HPSE2: variants seen among roughly 807,000 people sequenced by gnomAD.
The protein encoded by HPSE2 is heparanase 2 (inactive), also known as inactive heparanase-2.
A neutral mutation model predicts 60.5 loss-of-function variants in HPSE2; 38 were observed. The observed-to-expected ratio is 0.63, with a 90% confidence interval of 0.48 to 0.82. HPSE2 has a LOEUF of 0.82. Among genes scored for constraint, HPSE2 ranks in the 40% least tolerant of loss-of-function variants. The pLI, the probability that HPSE2 is intolerant of heterozygous loss-of-function variation, is 0.00. For synonymous variants in HPSE2, 295 were observed against 293.2 expected (o/e 1.01, Z -0.06); for missense variants, 713 against 740.4 (o/e 0.96, Z 0.43).
chr10:98,884,765 G>A (rs1005552444), intron 3 of HPSE2, among the ~76,000 whole-genome samples: 1 of 152,018 alleles, frequency 6.6e-6, no homozygotes, highest in Non-Finnish European at 1.5e-5. Flanking sequence ...TTCCACCTCA[G>A]ATCATCAGGC....
chr10:99,123,165 A>G (rs1206934541), intron 3 of HPSE2, among the ~76,000 whole-genome samples: 3 of 152,214 alleles, frequency 2.0e-5, no homozygotes, highest in Non-Finnish European at 2.9e-5. Flanking sequence ...AAACAGTCAA[A>G]AAATAGATTA....
intron 3 of HPSE2, among the ~76,000 whole-genome samples, chr10:98,966,932 C>T (rs1025963668): frequency 1.3e-5 from 2 of 152,068 alleles, no homozygotes; most frequent in African/African-American, 4.8e-5. Context: ...TTTTTTAATC[C>T]TTCCAGGCTG....
intron 3 of HPSE2, among the ~76,000 whole-genome samples, chr10:99,112,361 T>C (rs1445245316): frequency 1.3e-5 from 2 of 152,192 alleles, no homozygotes; most frequent in Non-Finnish European, 2.9e-5. Context: ...TGCCTCAGCC[T>C]CCCGAGTAGC....
At chr10:98,741,813 C>CA (rs1262561479) in intron 4 of HPSE2, among the ~76,000 whole-genome samples, 1 of 152,152 alleles carries the variant, frequency 6.6e-6, no homozygotes, top group Admixed American at 6.6e-5. Flanking sequence ...GTCTGATACT[C>CA]ACCTCTTTTA....
intron 3 of HPSE2, among the ~76,000 whole-genome samples, chr10:98,936,942 A>G (rs2862505): frequency 0.83 from 99,742 of 119,720 alleles, 42,960 homozygotes; most frequent in African/African-American, 0.95. Context: ...CAGCACTACT[A>G]CACTCCAAAC....
intron 9 of HPSE2, among the ~76,000 whole-genome samples, chr10:98,569,433 T>G (rs537686737): frequency 6.6e-6 from 1 of 152,318 alleles, no homozygotes; most frequent in African/African-American, 2.4e-5. Flanking sequence ...TAAAATAAAC[T>G]TAATGATACA....
At chr10:98,903,512 C>T (rs1050557304) in intron 3 of HPSE2, among the ~76,000 whole-genome samples, 2 of 152,070 alleles carry the variant, frequency 1.3e-5, no homozygotes, top group East Asian at 1.9e-4. Context: ...CTACCCTATA[C>T]CTCTTTAGTG....
At chr10:98,638,137 C>CAAAA (rs34364786) in intron 7 of HPSE2, among the ~76,000 whole-genome samples, 5 of 14,696 alleles carry the variant, frequency 3.4e-4, no homozygotes, top group African/African-American at 4.1e-4. Flanking sequence ...AGACCCATCT[C>CAAAA]AAAAAAAAAA....
intron 7 of HPSE2, among the ~76,000 whole-genome samples, chr10:98,623,912 C>T (rs983019844): frequency 5.3e-5 from 8 of 151,878 alleles, no homozygotes; most frequent in Non-Finnish European, 1.5e-5. Flanking sequence ...GAGGAAAACG[C>T]TGAGAAAGGT....
intron 7 of HPSE2, among the ~76,000 whole-genome samples, chr10:98,633,882 G>C (rs1946428863): frequency 6.6e-6 from 1 of 152,250 alleles, no homozygotes; most frequent in African/African-American, 2.4e-5. Flanking sequence ...AGCCAGTGTA[G>C]TCTACCTCTT....
chr10:98,718,470 C>A (rs986214875), intron 5 of HPSE2, among the ~76,000 whole-genome samples: 37 of 152,174 alleles, frequency 2.4e-4, no homozygotes, highest in Admixed American at 2.3e-3. Flanking sequence ...GTCAGTATAT[C>A]AAAAATATTA....
intron 9 of HPSE2, among the ~76,000 whole-genome samples, chr10:98,585,517 G>T (rs113670104): frequency 1.5e-4 from 23 of 151,662 alleles, no homozygotes; most frequent in Non-Finnish European, 3.1e-4. Flanking sequence ...TGATCTGCTC[G>T]CCTCAGCCTC....
chr10:98,508,704 G>A (rs1942284319), intron 9 of HPSE2, among the ~76,000 whole-genome samples: 1 of 152,156 alleles, frequency 6.6e-6, no homozygotes, highest in Non-Finnish European at 1.5e-5. Context: ...TTTAAGATTT[G>A]AGGAAAAGAA....
In HPSE2 at chr10:98,712,180, T is replaced by G. The variant is rs139743078; in HGVS notation, c.956+9477A>C. Among the ~76,000 whole-genome samples the G allele has an allele frequency of 3.7e-3, 557 of 151,952 alleles. 4 individuals are homozygous for G. The highest frequency in any genetic ancestry group is 0.013 in the African/African-American group (538 of 41,456). On this transcript the variant is annotated intron_variant, in intron 5 of 11. Transcript: ENST00000370552. ...CTATGTTTCAGGACTCCAGCCTCCA[T>G]CTCCAATGTTCGACAGACTGACTTC...
At chr10:99,224,705 G>A (rs1452428998) in intron 2 of HPSE2, among the ~76,000 whole-genome samples, 1 of 152,108 alleles carries the variant, frequency 6.6e-6, no homozygotes, top group Non-Finnish European at 1.5e-5. Flanking sequence ...GAGACCAGGA[G>A]AGATAATTTA....
intron 9 of HPSE2, among the ~76,000 whole-genome samples, chr10:98,569,089 G>A (rs1363388860): frequency 1.4e-5 from 2 of 147,562 alleles, no homozygotes; most frequent in Non-Finnish European, 3.0e-5. Context: ...TTGAAATGGA[G>A]TTTTTTACTT....
chr10:98,716,442 A>AAAAAAAAAT (rs145888719), intron 5 of HPSE2, among the ~76,000 whole-genome samples: 1 of 148,006 alleles, frequency 6.8e-6, no homozygotes, highest in Non-Finnish European at 1.5e-5. Context: ...ATAATAATAA[A>AAAAAAAAAT]AAATAAATAA....
At chr10:98,689,160 T>C (rs1203891095) in intron 6 of HPSE2, among the ~76,000 whole-genome samples, 1 of 152,180 alleles carries the variant, frequency 6.6e-6, no homozygotes, top group Non-Finnish European at 1.5e-5. Context: ...AAGTTCAGCT[T>C]TGATTTAAAA....
chr10:99,297,062 C>T, the HPSE2 span, among the ~76,000 whole-genome samples: 6 of 152,214 alleles, frequency 3.9e-5, no homozygotes, highest in Admixed American at 1.3e-4. Context: ...CCCCGGCAAG[C>T]AGCAGAGCCC....
Sources: allele counts gnomAD v4.1 joint callset (sites outside exome capture counted in the v4.1 genomes callset), GRCh38; gene constraint gnomAD v4.1.1; transcripts MANE v1.5; gene names NCBI Gene and HGNC (gene_info 2026-07-23, HGNC 2026-07-21).